The following SPTBN5 variants were observed in gnomAD, a reference collection of about 807,000 sequenced individuals.
SPTBN5 encodes the protein spectrin beta, non-erythrocytic 5, also known as spectrin beta chain, non-erythrocytic 5.
Under a neutral mutation model 477.6 loss-of-function variants are expected in SPTBN5, and 513 were observed. That is an observed-to-expected ratio of 1.07 (90% CI 1.00 to 1.16). SPTBN5 has a LOEUF of 1.16. SPTBN5 is among the 50% of genes most tolerant of loss of function. The pLI is 0.00. For synonymous variants in SPTBN5, 2,169 were observed against 2,011.7 expected, an observed-to-expected ratio of 1.08 and a Z score of -2.09; for missense variants, 5,062 against 4,731.8, an observed-to-expected ratio of 1.07 and a Z score of -2.05.
chr15:41,888,221 T>C (rs1436061159), intron 4 of SPTBN5, 136 bp from the exon 5 acceptor site: 2 of 835,582 alleles, frequency 2.4e-6, no homozygotes, highest in African/African-American at 1.7e-5. Context: ...GACTCTCCTC[T>C]CTTCAGAGTA....
intron 56 of SPTBN5, 30 bp downstream of exon 56, chr15:41,854,752 C>T (rs760480510): frequency 9.5e-6 from 14 of 1,475,088 alleles, no homozygotes; most frequent in Non-Finnish European, 1.3e-5. Context: ...TCTGACACCC[C>T]TTAGCTTGGC....
chr15:41,863,240 G>C (rs891360265), intron 41 of SPTBN5, among the ~76,000 whole-genome samples: 3 of 152,228 alleles, frequency 2.0e-5, no homozygotes, highest in Non-Finnish European at 4.4e-5. Context: ...GCCAGCGGAG[G>C]AAACAGCCAG....
chr15:41,888,030 C>T lies in SPTBN5; in HGVS notation c.557G>A (p.Trp186Ter). ...LLSTKEALLVWCQRKTASYTN... is the reference protein window; with the variant it reads ...LLSTKEALLV ...GTAGCTGGCTGTCTTCCGCTGGCACCAGACCAGCAGGGCTTCCTTGGTGGA... is the reference window on the plus strand; with the variant it reads ...GTAGCTGGCTGTCTTCCGCTGGCACTAGACCAGCAGGGCTTCCTTGGTGGA... Residue 186 changes from tryptophan (W) to a stop codon, truncating the protein, a stop_gained, in exon 5 of 68, where the codon TGG (tryptophan) becomes TAG (stop). Coordinates refer to ENST00000320955, the MANE Select transcript of SPTBN5 (RefSeq NM_016642.4). LOFTEE classifies it high-confidence loss of function. 6.3e-7 allele frequency: 1 copy of T among 1,589,380 alleles called. No homozygotes were observed. Among genetic ancestry groups the T allele is most frequent in the Non-Finnish European group, 8.6e-7 (1 of 1,168,176 alleles).
chr15:41,871,731 C>T, intron 28 of SPTBN5, 51 bp downstream of exon 28: 2 of 1,474,434 alleles, frequency 1.4e-6, no homozygotes, highest in Non-Finnish European at 9.0e-7. Flanking sequence ...GCTTCCCCAC[C>T]CCATAGGCTC....
rs374501580 is a variant in SPTBN5, at chr15:41,878,610, C to A, written c.3202G>T (p.Ala1068Ser). ...VVVKVEEPGY[A>S]ESQPLQGQVE... Reference sequence around the variant, plus strand: ...TGTCCTTGCAGAGGCTGGCTCTCTGCGTAGCCTGGCTCCTCGACCCTGGGA... The same window carrying A: ...TGTCCTTGCAGAGGCTGGCTCTCTGAGTAGCCTGGCTCCTCGACCCTGGGA... The change falls in exon 17 of 68, where the codon GCA (alanine) becomes TCA (serine). Residue 1068 changes from alanine (A) to serine (S), a missense_variant. By Grantham distance (99) the Ala-to-Ser change is moderately conservative (BLOSUM62 1). Coordinates refer to ENST00000320955, the MANE Select transcript of SPTBN5 (RefSeq NM_016642.4). 2 of 1,611,200 alleles carry A rather than the reference C, an allele frequency of 1.2e-6. No individual in the cohort carries two copies. Among genetic ancestry groups the A allele is most frequent in the South Asian group, 1.1e-5 (1 of 90,840 alleles).
rs780155135 is a variant in SPTBN5 at position 41,880,164 on chromosome 15, T to G, written c.2807A>C (p.Tyr936Ser). 17 of 1,599,078 alleles carry G rather than the reference T, an allele frequency of 1.1e-5. No individual in the cohort carries two copies. In the South Asian group the frequency reaches 1.9e-4, roughly 18 times the overall value. ...ADTLEVMQLKYENFLTALAVG... is the reference protein window; with the variant it reads ...ADTLEVMQLKSENFLTALAVG... ...GCCAAGCTCCCAGGGCTGTACCTCA[T>G]ATTTGAGCTGCATGACCTCCAGGGT... Residue 936 changes from tyrosine to serine, a missense_variant, in exon 14 of 68, where the codon TAT becomes TCT. Transcript: ENST00000320955.
In SPTBN5 at chr15:41,866,075, T is replaced by C. The variant is rs768033536; in HGVS notation, c.6785A>G (p.Gln2262Arg). 1.3e-6 allele frequency: 2 copies of C among 1,556,708 alleles called. No individual in the cohort carries two copies. The highest frequency in any genetic ancestry group is 2.4e-5 in the South Asian group (2 of 84,336). ...CCAGGCCTCTGCAAGGTCCACTCTC[T>C]GCAGGAACTCCAGGAAGTTCCGCCT... is the stretch of plus-strand genomic sequence containing the variant. ...EDRRNFLEFL[Q>R]RVDLAEAWIQ... is the part of the protein sequence containing the mutation. The change falls in exon 38 of 68, where the codon CAG becomes CGG. Residue 2262 changes from glutamine (Q) to arginine (R), a missense_variant. Gln to Arg is a conservative substitution (Grantham distance 43, BLOSUM62 1). Transcript: ENST00000320955.
rs150212984 is a variant in SPTBN5 at position 41,886,502 on chromosome 15, C to G, written c.889-136G>C. The G allele has an allele frequency of 3.4e-4, 345 of 1,018,406 alleles. 2 individuals carry two copies. In the East Asian group the frequency reaches 7.9e-3, roughly 23 times the overall value. The allele number at this position is 1,018,406 out of a possible 1,614,324, so 63.1% of individuals were successfully genotyped here. A position where few individuals can be genotyped will look rare whatever the true frequency, so the allele number is the denominator to read the frequency against. ...AAAGATGCTTTGAAGTGGTGGTACC[C>G]CCACCCCAGAGAACTGGGTTTGCTT... On this transcript the variant is annotated intron_variant, in intron 6 of 67. Coordinates refer to ENST00000320955, the MANE Select transcript of SPTBN5 (RefSeq NM_016642.4).
At chr15:41,893,798 G>C (rs2067386331) in intron 1 of SPTBN5, 101 bp downstream of exon 1, 1 of 500,766 alleles carries the variant, frequency 2.0e-6, no homozygotes, top group East Asian at 3.3e-5. Context: ...ACTGGGACAG[G>C]TGGAAGGAAG....
intron 47 of SPTBN5, among the ~76,000 whole-genome samples, chr15:41,859,237 C>T (rs959054181): frequency 1.3e-5 from 2 of 152,166 alleles, no homozygotes; most frequent in Admixed American, 1.3e-4. Context: ...CGGCTCACTG[C>T]AACCTCCACC....
rs747826570 is a variant in SPTBN5, at chr15:41,882,433, A to ACACGGCCTGGTGGC, written c.2069_2082dup (p.Cys695AlafsTer7). 22 of 1,549,560 alleles carry ACACGGCCTGGTGGC rather than the reference A, an allele frequency of 1.4e-5. No homozygotes were observed. The Admixed American group carries it at 3.0e-4, about 21-fold the overall frequency. On this transcript the variant is annotated frameshift_variant, in exon 11 of 68. Transcript: ENST00000320955. LOFTEE classifies it high-confidence loss of function. ...CGTCCCCTCCGCACGAGATCTACGC[A>ACACGGCCTGGTGGC]CACGGCCTGGTGGCGGTGGACCTCA...
chr15:41,887,188 A>G (rs1432486557), intron 6 of SPTBN5, 25 bp downstream of exon 6: 1 of 1,546,396 alleles, frequency 6.5e-7, no homozygotes, highest in Admixed American at 2.0e-5. Flanking sequence ...GCCCTTGCTC[A>G]CCCCACCCCT....
intron 51 of SPTBN5, 99 bp downstream of exon 51, chr15:41,857,139 G>C: frequency 6.6e-7 from 1 of 1,513,768 alleles, no homozygotes; most frequent in African/African-American, 1.4e-5. Flanking sequence ...CCTCACCATG[G>C]GCAAGGGGAG....
chr15:41,863,296 C>A (rs2066181180), intron 41 of SPTBN5, among the ~76,000 whole-genome samples: 1 of 152,204 alleles, frequency 6.6e-6, no homozygotes, highest in African/African-American at 2.4e-5. Context: ...CAAGGGCTTC[C>A]TAGACCGGGT....
chr15:41,879,934 C>T (rs761063962), intron 14 of SPTBN5, 70 bp from the exon 15 acceptor site: 17 of 1,586,142 alleles, frequency 1.1e-5, no homozygotes, highest in Admixed American at 5.3e-5. Flanking sequence ...TAGCCTATGA[C>T]GGACCTGAGT....
In SPTBN5 at chr15:41,848,712, T is replaced by A. The variant is rs1055013966; in HGVS notation, c.11013-84A>T. The stretch of plus-strand genomic sequence containing the variant: ...CAAACACACACTGGTGCCCCTGCCC[T>A]CCCCTGGACCAGCCAGCCTCCTAGA... On this transcript the variant is annotated intron_variant, in intron 67 of 67. Coordinates refer to ENST00000320955, the MANE Select transcript of SPTBN5 (RefSeq NM_016642.4). 41 of 1,505,690 alleles carry A rather than the reference T, an allele frequency of 2.7e-5. No individual in the cohort carries two copies. In the South Asian group the frequency reaches 4.3e-4, roughly 16 times the overall value. The allele number at this position is 1,505,690 out of a possible 1,614,324, so 93.3% of individuals were successfully genotyped here.
intron 23 of SPTBN5, 119 bp downstream of exon 23, chr15:41,874,723 G>C: frequency 9.2e-7 from 1 of 1,089,256 alleles, no homozygotes; most frequent in Non-Finnish European, 1.3e-6. Context: ...TCCCATCCCA[G>C]AATGACTCTA....
chr15:41,854,778 C>A lies in SPTBN5; in HGVS notation c.9618+4G>T. On this transcript the variant is annotated splice_donor_region_variant and intron_variant, in intron 56 of 67. Transcript: ENST00000320955. ...TTAGCTTGGCCCGGCCTGTGATCAC[C>A]TACCTCTGTGCGGGCTTTTATTGCT... The A allele has an allele frequency of 6.6e-7, 1 of 1,522,644 alleles. No homozygotes were observed. Among genetic ancestry groups the A allele is most frequent in the Non-Finnish European group, 8.8e-7 (1 of 1,133,500 alleles). 94.3% of individuals were successfully genotyped at this position (1,522,644 alleles called of 1,614,324 possible).
At chr15:41,888,559 C>G (rs1241679212) in intron 4 of SPTBN5, among the ~76,000 whole-genome samples, 3 of 152,230 alleles carry the variant, frequency 2.0e-5, no homozygotes, top group Non-Finnish European at 4.4e-5. Context: ...CTCCCAGGTT[C>G]AAGCAATTCT....
Sources: gnomAD v4.1 joint callset for allele counts (sites outside exome capture counted in the v4.1 genomes callset) on GRCh38, gnomAD v4.1.1 for gene constraint, MANE v1.5 for transcripts, NCBI Gene and HGNC (gene_info 2026-07-23, HGNC 2026-07-21) for gene names.